The following JPH2 variants were observed in gnomAD, a reference collection of about 807,000 sequenced individuals.
The protein encoded by JPH2 is junctophilin 2, also known as junctophilin-2.
JPH2 carries 38 observed loss-of-function variants against 55.9 expected under a neutral mutation model. That is an observed-to-expected ratio of 0.68 (90% confidence interval 0.52 to 0.89). JPH2 has a LOEUF of 0.89. Among genes scored for constraint, JPH2 ranks in the 40% least tolerant of loss-of-function variants. The pLI, the probability that JPH2 is intolerant of heterozygous loss-of-function variation, is 0.00. For missense variants in JPH2, 964 were observed against 1,037.6 expected (o/e 0.93, Z 0.97); for synonymous variants, 480 against 472.4 (o/e 1.02, Z -0.21).
intron 2 of JPH2, among the ~76,000 whole-genome samples, chr20:44,147,588 G>A (rs1212222912): frequency 1.3e-5 from 2 of 152,142 alleles, no homozygotes; most frequent in Non-Finnish European, 2.9e-5. Flanking sequence ...TGTAAACAAC[G>A]GTCACTTCAG....
chr20:44,159,651 A>G lies in JPH2; in HGVS notation c.1136T>C (p.Ile379Thr). The G allele has an allele frequency of 6.2e-7, 1 of 1,608,242 alleles. No homozygotes were observed. The highest frequency in any genetic ancestry group is 1.1e-5 in the South Asian group (1 of 91,048). ...GGCAATCTCGGCCTTCTGGCGCGCG[A>G]TAGCAGCGGCGCGCTGGGCACCCTC... ...SVEGAQRAAA[I>T]ARQKAEIAAS... Residue 379 changes from isoleucine (I) to threonine (T), a missense_variant, in exon 2 of 6, where the codon ATC (isoleucine) becomes ACC (threonine). Coordinates refer to ENST00000372980, the MANE Select transcript of JPH2 (RefSeq NM_020433.5). This position sits in a 1 kb window ranked among gnomAD's most constrained non-coding sequence, Gnocchi z 5.7.
intron 2 of JPH2, among the ~76,000 whole-genome samples, chr20:44,134,879 TA>T (rs1569195777): frequency 3.3e-4 from 4 of 12,264 alleles, no homozygotes; most frequent in African/African-American, 4.3e-4. Flanking sequence ...TATATATTTA[TA>T]TATATATTAA....
intron 2 of JPH2, among the ~76,000 whole-genome samples, chr20:44,148,519 A>C (rs1445216975): frequency 6.6e-6 from 1 of 152,226 alleles, no homozygotes; most frequent in Non-Finnish European, 1.5e-5. Context: ...AAAGGAAACA[A>C]AGGGTTCTTC....
At chr20:44,161,518 G>T (rs1363281040) in intron 1 of JPH2, among the ~76,000 whole-genome samples, 2 of 152,076 alleles carry the variant, frequency 1.3e-5, no homozygotes, top group East Asian at 3.9e-4. Context: ...GTGACCTTGG[G>T]CAACTGACTT....
intron 2 of JPH2, among the ~76,000 whole-genome samples, chr20:44,153,877 C>G (rs1269665472): frequency 1.3e-5 from 2 of 152,178 alleles, no homozygotes; most frequent in East Asian, 3.8e-4. Flanking sequence ...TGAGTCTAAG[C>G]CTTACTCTTA....
chr20:44,122,928 G>A (rs552296661), intron 2 of JPH2, among the ~76,000 whole-genome samples: 1 of 151,396 alleles, frequency 6.6e-6, no homozygotes, highest in Non-Finnish European at 1.5e-5. Context: ...GGCTGGGCAA[G>A]CCTTCAAACT....
rs1421988785 is a variant in JPH2 at position 44,111,126 on chromosome 20, C to T, written c.*2392G>A. On this transcript the variant is annotated 3_prime_UTR_variant, in exon 6 of 6. Coordinates refer to ENST00000372980, the MANE Select transcript of JPH2 (RefSeq NM_020433.5). The stretch of plus-strand genomic sequence containing the variant: ...TGCTCTAAGCCTCTGTGGAATGTGG[C>T]GATCCCCTCAGGCTCCCCCACTGAT... Among the ~76,000 whole-genome samples the T allele has an allele frequency of 2.0e-5, 3 of 152,200 alleles. No homozygotes were observed. Among genetic ancestry groups the T allele is most frequent in the East Asian group, 1.9e-4 (1 of 5,192 alleles).
rs59274266 is a variant in JPH2, at chr20:44,153,218, A to C, written c.1169+6400T>G. Among the ~76,000 whole-genome samples the C allele has an allele frequency of 3.7e-3, 559 of 152,150 alleles. 6 individuals are homozygous for C. Among genetic ancestry groups the C allele is most frequent in the East Asian group, 0.027 (139 of 5,184 alleles). ...CACAGGATTGATAATAACAGCTTACACCTCCTTGCATGCTTTCCAAGCACC... is the reference window on the plus strand; with the variant it reads ...CACAGGATTGATAATAACAGCTTACCCCTCCTTGCATGCTTTCCAAGCACC... On this transcript the variant is annotated intron_variant, in intron 2 of 5. Coordinates refer to ENST00000372980, the MANE Select transcript of JPH2 (RefSeq NM_020433.5).
chr20:44,161,309 C>G (rs1203099256), intron 1 of JPH2, among the ~76,000 whole-genome samples: 7 of 152,096 alleles, frequency 4.6e-5, no homozygotes, highest in Non-Finnish European at 8.8e-5. Context: ...TGGAGGAAGG[C>G]TAGTGGTGTG....
intron 2 of JPH2, among the ~76,000 whole-genome samples, chr20:44,157,684 GA>G (rs1394295827): frequency 6.6e-6 from 1 of 152,212 alleles, no homozygotes. Context: ...ATACAACTAA[GA>G]AATGGCGGTG....
Position 44,118,745 on chromosome 20 carries a change from A to G in JPH2, c.1170-122T>C, listed in dbSNP as rs2072213019. On this transcript the variant is annotated intron_variant, in intron 2 of 5. Transcript: ENST00000372980. ...ATTCTTTCACGCAGGCAGTCAATGA[A>G]TATTTATTGAGCCTCATGGCCCAGA... 1.4e-5 allele frequency: 11 copies of G among 796,244 alleles called. No homozygotes were observed. In the South Asian group the frequency reaches 1.6e-4, roughly 11 times the overall value. The allele number at this position is 796,244 out of a possible 1,614,324, so 49.3% of individuals were successfully genotyped here. A position where few individuals can be genotyped will look rare whatever the true frequency, so the allele number is the denominator to read the frequency against.
At chr20:44,128,053 C>A (rs766167697) in intron 2 of JPH2, among the ~76,000 whole-genome samples, 70 of 152,066 alleles carry the variant, frequency 4.6e-4, no homozygotes, top group Non-Finnish European at 1.0e-3. Flanking sequence ...AAATAGTTTT[C>A]CCATTCTCTG....
intron 1 of JPH2, chr20:44,177,532 G>C: frequency 9.2e-7 from 1 of 1,091,050 alleles, no homozygotes; most frequent in Non-Finnish European, 1.1e-6. Context: ...AGGGTCTGCT[G>C]TGCTCTCCTG....
chr20:44,144,889 C>T (rs1251441250), intron 2 of JPH2, among the ~76,000 whole-genome samples: 4 of 152,184 alleles, frequency 2.6e-5, no homozygotes, highest in African/African-American at 2.4e-5. Flanking sequence ...GCACTGCTCC[C>T]AGCACTGCAC....
At chr20:44,133,146 C>A (rs1019830047) in intron 2 of JPH2, among the ~76,000 whole-genome samples, 3 of 127,342 alleles carry the variant, frequency 2.4e-5, no homozygotes, top group Admixed American at 8.5e-5. Flanking sequence ...ATAACAGCTC[C>A]CATGGCTGCT....
intron 1 of JPH2, among the ~76,000 whole-genome samples, chr20:44,168,101 T>C (rs777624455): frequency 3.9e-5 from 6 of 152,088 alleles, no homozygotes; most frequent in Non-Finnish European, 8.8e-5. Flanking sequence ...TAGTAAGTGT[T>C]CAATAAACCC....
At position 44,110,435 on chromosome 20, in the gene JPH2, T is replaced by C. The variant is rs565900522; in HGVS notation, c.*3083A>G. Among the ~76,000 whole-genome samples the C allele has an allele frequency of 6.6e-6, 1 of 152,004 alleles. No homozygotes were observed. The highest frequency in any genetic ancestry group is 2.4e-5 in the African/African-American group (1 of 41,500). ...AGTTTTGAAAACTTTTGTGTTTTTT[T>C]TTTTTTCCAGATGGAGTCTTGCTCT... On this transcript the variant is annotated 3_prime_UTR_variant, in exon 6 of 6. Transcript: ENST00000372980.
intron 2 of JPH2, among the ~76,000 whole-genome samples, chr20:44,126,176 A>AAGGAAGGAAGGAAGGG (rs2072275286): frequency 2.9e-5 from 2 of 68,808 alleles, no homozygotes; most frequent in East Asian, 5.6e-4. Context: ...GGGAGGAAGG[A>AAGGAAGGAAGGAAGGG]AGGAAGGAAG....
At chr20:44,183,685 C>T (rs34814850) in intron 1 of JPH2, among the ~76,000 whole-genome samples, 22,529 of 152,222 alleles carry the variant, frequency 0.15, 2,092 homozygotes, top group Non-Finnish European at 0.21. Flanking sequence ...ATATAATGTC[C>T]TATGAATGCC....
Sources: gnomAD v4.1 joint callset for allele counts (sites outside exome capture counted in the v4.1 genomes callset) on GRCh38, gnomAD v4.1.1 for gene constraint, Gnocchi (gnomAD v3.1) non-coding constraint, MANE v1.5 for transcripts, NCBI Gene and HGNC (gene_info 2026-07-23, HGNC 2026-07-21) for gene names.